GEMIN5: variants seen among roughly 807,000 people sequenced by gnomAD.
The protein encoded by GEMIN5 is gem nuclear organelle associated protein 5.
A neutral mutation model predicts 176.9 loss-of-function variants in GEMIN5; 124 were observed. That is an observed-to-expected ratio of 0.70 (90% CI 0.61 to 0.81). GEMIN5 has a LOEUF of 0.81. Ranked by LOEUF, GEMIN5 falls within the 40% of genes least tolerant of loss-of-function variation. The pLI is 0.00. For missense variants in GEMIN5, 1,843 were observed against 1,814.6 expected, an observed-to-expected ratio of 1.02 and a Z score of -0.28; for synonymous variants, 673 against 665.2, an observed-to-expected ratio of 1.01 and a Z score of -0.18.
Position 154,901,478 on chromosome 5 carries a change from G to A in GEMIN5, c.2875C>T (p.His959Tyr). Reference sequence around the variant, plus strand: ...GCTTCCACAGCCCATAGCCACACATGGTAGCCAGCTGAAAAAATAAAAGAT... The same window carrying A: ...GCTTCCACAGCCCATAGCCACACATAGTAGCCAGCTGAAAAAATAAAAGAT... ...LVAMAPAAGY[H>Y]VWLWAVEAFA... The change falls in exon 21 of 28, where the codon CAT becomes TAT. Residue 959 changes from histidine to tyrosine, a missense_variant. Physicochemically the swap from His to Tyr is moderately conservative, Grantham distance 83. Coordinates refer to ENST00000285873, the MANE Select transcript of GEMIN5 (RefSeq NM_015465.5). 6.2e-7 allele frequency: 1 copy of A among 1,613,226 alleles called. No individual in the cohort carries two copies. The highest frequency in any genetic ancestry group is 8.5e-7 in the Non-Finnish European group (1 of 1,179,662).
intron 3 of GEMIN5, among the ~76,000 whole-genome samples, chr5:154,934,774 C>T (rs536960354): frequency 2.0e-4 from 31 of 152,318 alleles, no homozygotes; most frequent in African/African-American, 7.0e-4. Context: ...TTGTTTGCCA[C>T]TCAACAGTGA....
chr5:154,930,788 G>A (rs139038065), intron 5 of GEMIN5, among the ~76,000 whole-genome samples: 1,685 of 151,934 alleles, frequency 0.011, 21 homozygotes, highest in South Asian at 0.036. Context: ...ACTTAAAAGT[G>A]ATAAAGATGG....
Position 154,892,399 on chromosome 5 carries a change from A to G in GEMIN5, c.3748T>C (p.Phe1250Leu). Residue 1250 changes from phenylalanine (F) to leucine (L), a missense_variant, in exon 25 of 28, where the codon TTT (phenylalanine) becomes CTT (leucine). Phe to Leu is a conservative substitution (Grantham distance 22). Coordinates refer to ENST00000285873, the MANE Select transcript of GEMIN5 (RefSeq NM_015465.5). ...FTIMQEVYSA[F>L]LPDGCDHLRD... ...GGAAGTCACTTACCGTCAGGGAGAA[A>G]GGCTGAGTACACTTCCTGCATGATG... is the stretch of plus-strand genomic sequence containing the variant. 1 of 1,613,668 alleles carries G rather than the reference A, an allele frequency of 6.2e-7. No homozygotes were observed. The highest frequency in any genetic ancestry group is 8.5e-7 in the Non-Finnish European group (1 of 1,179,710).
At position 154,888,017 on chromosome 5, in the gene GEMIN5, A is replaced by G; in HGVS notation, c.*193T>C. The G allele has an allele frequency of 1.7e-6, 1 of 575,610 alleles. No individual in the cohort carries two copies. The highest frequency in any genetic ancestry group is 3.0e-5 in the East Asian group (1 of 33,132). The allele number at this position is 575,610 out of a possible 1,614,324, so 35.7% of individuals were successfully genotyped here. On this transcript the variant is annotated 3_prime_UTR_variant, in exon 28 of 28. Coordinates refer to ENST00000285873, the MANE Select transcript of GEMIN5 (RefSeq NM_015465.5). Reference sequence around the variant, plus strand: ...ATCTTCCCTCCAGTAGGAGACCACAATTGAGTCTAAAGTCAGATCCACCGT... The same window carrying G: ...ATCTTCCCTCCAGTAGGAGACCACAGTTGAGTCTAAAGTCAGATCCACCGT...
rs576796862 is a variant in GEMIN5 at position 154,929,485 on chromosome 5, G to A, written c.782-826C>T. 9.2e-5 allele frequency among the ~76,000 whole-genome samples: 14 copies of A among 152,244 alleles called. No homozygotes were observed. In the Middle Eastern group the frequency reaches 0.01, roughly 111 times the overall value. On this transcript the variant is annotated intron_variant, in intron 5 of 27. Coordinates refer to ENST00000285873, the MANE Select transcript of GEMIN5 (RefSeq NM_015465.5). ...CGTTTTTTAAGCTGTATTGTGCATCGGAACCACAGGTGGAACTTTAAAAAA... is the reference window on the plus strand; with the variant it reads ...CGTTTTTTAAGCTGTATTGTGCATCAGAACCACAGGTGGAACTTTAAAAAA...
intron 1 of GEMIN5, among the ~76,000 whole-genome samples, 169 bp downstream of exon 1, chr5:154,937,799 G>A (rs1373184074): frequency 6.6e-6 from 1 of 152,218 alleles, no homozygotes; most frequent in African/African-American, 2.4e-5. Flanking sequence ...GCATGGTGTA[G>A]CTCATTAGGA....
intron 21 of GEMIN5, among the ~76,000 whole-genome samples, chr5:154,901,029 C>A (rs535251532): frequency 4.6e-5 from 7 of 152,116 alleles, no homozygotes; most frequent in African/African-American, 1.7e-4. Context: ...CAGGGTAGAA[C>A]AAAAAGAAAA....
In GEMIN5 at chr5:154,908,172, CTTTTTTTTTTTTTT is replaced by C. The variant is rs386405383; in HGVS notation, c.2168-368_2168-355del. On this transcript the variant is annotated intron_variant, in intron 15 of 27. Transcript: ENST00000285873. ...GTTCTGCCAATTTTACCCAGATGTC[CTTTTTTTTTTTTTT>C]TTTTTTTTTTTTGGAGATGGTTTCG... Among the ~76,000 whole-genome samples the C allele has an allele frequency of 6.8e-4, 50 of 73,080 alleles. No individual in the cohort carries two copies. The East Asian group carries it at 9.9e-3, about 14-fold the overall frequency. The allele number at this position is 73,080 out of a possible 152,430, so 47.9% of individuals were successfully genotyped here. A position where few individuals can be genotyped will look rare whatever the true frequency, so the allele number is the denominator to read the frequency against.
Position 154,917,993 on chromosome 5 carries a change from A to T in GEMIN5, c.1611T>A (p.Pro537=). The change falls in exon 12 of 28, where the codon CCT becomes CCA. Residue 537 remains proline, a synonymous_variant. Coordinates refer to ENST00000285873, the MANE Select transcript of GEMIN5 (RefSeq NM_015465.5). ...RDTNSIKYKL[P]VHTEISWKAD... ...CTTTCCAACTTATCTCTGTGTGTACAGGCAATTTGTACTAGAAAGCAAAAC... is the reference window on the plus strand; with the variant it reads ...CTTTCCAACTTATCTCTGTGTGTACTGGCAATTTGTACTAGAAAGCAAAAC... 6.2e-7 allele frequency: 1 copy of T among 1,610,044 alleles called. No individual in the cohort carries two copies. Among genetic ancestry groups the T allele is most frequent in the Admixed American group, 1.7e-5 (1 of 60,016 alleles).
intron 18 of GEMIN5, 103 bp from the exon 19 acceptor site, chr5:154,903,278 CA>C: frequency 1.4e-6 from 1 of 735,072 alleles, no homozygotes; most frequent in Non-Finnish European, 2.3e-6. Context: ...CCACTTCAGA[CA>C]CTGAGAGAAT....
chr5:154,892,926 G>A (rs551567897), intron 24 of GEMIN5, among the ~76,000 whole-genome samples: 6 of 152,054 alleles, frequency 3.9e-5, no homozygotes, highest in South Asian at 2.1e-4. Flanking sequence ...GTGAAACCCC[G>A]CCTCTACTAA....
chr5:154,915,700 C>T (rs1763796150), intron 13 of GEMIN5, among the ~76,000 whole-genome samples: 1 of 152,184 alleles, frequency 6.6e-6, no homozygotes, highest in African/African-American at 2.4e-5. Context: ...ACCTATCACC[C>T]TCACAGGATT....
chr5:154,924,292 A>G (rs1582671440), intron 9 of GEMIN5, among the ~76,000 whole-genome samples, 177 bp downstream of exon 9: 1 of 152,230 alleles, frequency 6.6e-6, no homozygotes, highest in Non-Finnish European at 1.5e-5. Flanking sequence ...AGAAGCTACC[A>G]CAAGGAGATA....
intron 7 of GEMIN5, 120 bp from the exon 8 acceptor site, chr5:154,926,194 C>A: frequency 3.2e-6 from 2 of 617,502 alleles, no homozygotes; most frequent in South Asian, 2.2e-5. Context: ...TGTCTTCCAG[C>A]AGGAATTGAA....
chr5:154,892,518 A>C lies in GEMIN5; in HGVS notation c.3629T>G (p.Leu1210Arg). The change falls in exon 25 of 28, where the codon CTG (leucine) becomes CGG (arginine). Residue 1210 changes from leucine to arginine, a missense_variant. Physicochemically the swap from Leu to Arg is moderately radical, Grantham distance 102. Transcript: ENST00000285873. ...LLLHICHDLT[L>R]AVLSQQMASW... ...GGCCATCTGTTGGCTCAGCACTGCC[A>C]GGGTCAAGTCATGGCAAATGTGAAG... The C allele has an allele frequency of 6.2e-7, 1 of 1,614,168 alleles. No homozygotes were observed. Among genetic ancestry groups the C allele is most frequent in the Non-Finnish European group, 8.5e-7 (1 of 1,180,024 alleles).
At chr5:154,930,111 G>A (rs1323388684) in intron 5 of GEMIN5, among the ~76,000 whole-genome samples, 1 of 152,090 alleles carries the variant, frequency 6.6e-6, no homozygotes, top group Non-Finnish European at 1.5e-5. Context: ...GCTCCACCCT[G>A]ACTCATTCTG....
rs564383175 is a variant in GEMIN5 at position 154,919,987 on chromosome 5, T to C, written c.1579A>G (p.Arg527Gly). 1 of 1,613,678 alleles carries C rather than the reference T, an allele frequency of 6.2e-7. No homozygotes were observed. The highest frequency in any genetic ancestry group is 1.1e-5 in the South Asian group (1 of 91,028). ...GEAFDINKLI[R>G]DTNSIKYKLP... Reference sequence around the variant, plus strand: ...CTCACTTTGATTGAATTGGTGTCCCTGATGAGTTTGTTGATGTCAAAGGCT... The same window carrying C: ...CTCACTTTGATTGAATTGGTGTCCCCGATGAGTTTGTTGATGTCAAAGGCT... The change falls in exon 11 of 28, where the codon AGG becomes GGG. Residue 527 changes from arginine to glycine, a missense_variant. Arg to Gly is a moderately radical substitution (Grantham distance 125). Coordinates refer to ENST00000285873, the MANE Select transcript of GEMIN5 (RefSeq NM_015465.5).
In GEMIN5 at chr5:154,891,339, G is replaced by C. The variant is rs1763221440; in HGVS notation, c.4164C>G (p.His1388Gln). 2 of 1,613,838 alleles carry C rather than the reference G, an allele frequency of 1.2e-6. No individual in the cohort carries two copies. The highest frequency in any genetic ancestry group is 2.7e-5 in the African/African-American group (2 of 74,854). Reference protein sequence around the residue: ...QETLAEMIRQHQKSQLCKSTA... With the variant: ...QETLAEMIRQQQKSQLCKSTA... ...TGGATTTACAGAGTTGACTCTTTTG[G>C]TGTTGTCGGATCATTTCTGCCAAGG... The change falls in exon 26 of 28, where the codon CAC becomes CAG. Residue 1388 changes from histidine to glutamine, a missense_variant. Transcript: ENST00000285873.
intron 6 of GEMIN5, among the ~76,000 whole-genome samples, chr5:154,927,953 T>C (rs1350974467): frequency 6.6e-6 from 1 of 151,154 alleles, no homozygotes; most frequent in Non-Finnish European, 1.5e-5. Flanking sequence ...TTTGCACCAC[T>C]GCACTCCAGC....
Sources: allele counts gnomAD v4.1 joint callset (sites outside exome capture counted in the v4.1 genomes callset), GRCh38; gene constraint gnomAD v4.1.1; transcripts MANE v1.5; gene names NCBI Gene and HGNC (gene_info 2026-07-23, HGNC 2026-07-21).